SPATA16: variants seen among roughly 807,000 people sequenced by gnomAD.
The protein encoded by SPATA16 is spermatogenesis associated 16.
Under a neutral mutation model 63.3 loss-of-function variants are expected in SPATA16, and 36 were observed. The observed-to-expected ratio is 0.57, with a 90% CI of 0.44 to 0.75. The LOEUF (loss-of-function observed/expected upper bound fraction) is 0.75, where lower values mean the gene tolerates loss of function less well. Among genes scored for constraint, SPATA16 ranks in the 30% least tolerant of loss-of-function variants. The pLI, the probability that SPATA16 is intolerant of heterozygous loss-of-function variation, is 0.00. For missense variants in SPATA16, 646 were observed against 679.3 expected (o/e 0.95, Z 0.54); for synonymous variants, 203 against 216.7 (o/e 0.94, Z 0.56).
At chr3:172,958,367 G>A (rs1324186197) in intron 5 of SPATA16, among the ~76,000 whole-genome samples, 1 of 152,130 alleles carries the variant, frequency 6.6e-6, no homozygotes, top group Non-Finnish European at 1.5e-5. Flanking sequence ...GAAAAATGAA[G>A]GTATTTTATA....
intron 10 of SPATA16, among the ~76,000 whole-genome samples, chr3:172,909,438 C>T (rs1732313555): frequency 6.6e-6 from 1 of 152,162 alleles, no homozygotes; most frequent in African/African-American, 2.4e-5. Flanking sequence ...TACTTCCTTT[C>T]TCTTAAAATA....
chr3:172,984,589 C>G (rs960968409), intron 4 of SPATA16, among the ~76,000 whole-genome samples: 11 of 152,154 alleles, frequency 7.2e-5, no homozygotes, highest in African/African-American at 1.9e-4. Context: ...TTGCCTGATT[C>G]TAATATCTGG....
intron 6 of SPATA16, among the ~76,000 whole-genome samples, chr3:172,950,900 ATATT>A (rs946797267): frequency 6.6e-6 from 1 of 152,112 alleles, no homozygotes; most frequent in Non-Finnish European, 1.5e-5. Flanking sequence ...CCATTACTGA[ATATT>A]TATTTATTTA....
chr3:173,117,810 C>T, intron 1 of SPATA16, 61 bp from the exon 2 acceptor site: 1 of 1,609,976 alleles, frequency 6.2e-7, no homozygotes, highest in South Asian at 1.1e-5. Flanking sequence ...GTGGTTTAGA[C>T]TATAGTCAAA....
chr3:173,118,829 G>A (rs1339840305), intron 1 of SPATA16, among the ~76,000 whole-genome samples: 1 of 152,134 alleles, frequency 6.6e-6, no homozygotes, highest in Non-Finnish European at 1.5e-5. Flanking sequence ...CTTTAGTATA[G>A]CTAATAGACA....
intron 1 of SPATA16, among the ~76,000 whole-genome samples, chr3:173,120,292 C>T (rs763833221): frequency 2.0e-5 from 3 of 152,138 alleles, no homozygotes; most frequent in Non-Finnish European, 4.4e-5. Flanking sequence ...GTTAAGATCT[C>T]TGTTGAATGA....
intron 6 of SPATA16, among the ~76,000 whole-genome samples, chr3:172,951,550 T>G (rs1456706434): frequency 6.6e-6 from 1 of 152,220 alleles, no homozygotes; most frequent in African/African-American, 2.4e-5. Context: ...AATTTTATAC[T>G]TTTCCCCCTT....
At chr3:173,080,113 T>C (rs1736891410) in intron 2 of SPATA16, among the ~76,000 whole-genome samples, 1 of 152,164 alleles carries the variant, frequency 6.6e-6, no homozygotes, top group Non-Finnish European at 1.5e-5. Flanking sequence ...ACTCAGTGTG[T>C]GGTGTTTAGT....
In SPATA16 at chr3:172,966,931, A is replaced by C. The variant is rs550070371; in HGVS notation, c.933+10037T>G. ...GTAAATCAATAACCCATAAAAATCT[A>C]TGGAAAATAGAAAAGATAACCATAA... On this transcript the variant is annotated intron_variant, in intron 5 of 10. Coordinates refer to ENST00000351008, the MANE Select transcript of SPATA16 (RefSeq NM_031955.6). Among the ~76,000 whole-genome samples the C allele has an allele frequency of 1.6e-4, 24 of 152,334 alleles. 1 individual carries two copies. In the South Asian group the frequency reaches 4.8e-3, roughly 30 times the overall value.
At chr3:173,121,542 G>T (rs968973063) in intron 1 of SPATA16, among the ~76,000 whole-genome samples, 1 of 152,012 alleles carries the variant, frequency 6.6e-6, no homozygotes, top group African/African-American at 2.4e-5. Flanking sequence ...GGCATTTATA[G>T]CACCTTTTTT....
At chr3:173,038,129 T>G (rs1156278091) in intron 3 of SPATA16, among the ~76,000 whole-genome samples, 1 of 151,984 alleles carries the variant, frequency 6.6e-6, no homozygotes, top group Non-Finnish European at 1.5e-5. Flanking sequence ...GAAAGAAAAT[T>G]TTAAATATCA....
At chr3:173,122,956 G>T (rs1332624406) in intron 1 of SPATA16, among the ~76,000 whole-genome samples, 1 of 152,186 alleles carries the variant, frequency 6.6e-6, no homozygotes, top group East Asian at 1.9e-4. Context: ...GTATATGGTA[G>T]CAATAATGGA....
Position 172,898,567 on chromosome 3 carries a change from C to G in SPATA16, c.1588-8875G>C, listed in dbSNP as rs543639795. On this transcript the variant is annotated intron_variant, in intron 10 of 10. Coordinates refer to ENST00000351008, the MANE Select transcript of SPATA16 (RefSeq NM_031955.6). ...CAGCATCTGTAGTGATGTTCCATTT[C>G]ATTCCTGGTATTGGTGATTTGTGTC... Among the ~76,000 whole-genome samples, 4 of 151,548 alleles carry G rather than the reference C, an allele frequency of 2.6e-5. 1 individual carries two copies. Among genetic ancestry groups the G allele is most frequent in the African/African-American group, 9.6e-5 (4 of 41,466 alleles).
At chr3:172,971,489 G>C (rs1734046968) in intron 5 of SPATA16, among the ~76,000 whole-genome samples, 1 of 152,162 alleles carries the variant, frequency 6.6e-6, no homozygotes, top group Non-Finnish European at 1.5e-5. Flanking sequence ...AGATTAACTA[G>C]AGGTGGTATA....
chr3:172,911,732 C>T (rs1222795358), intron 10 of SPATA16, among the ~76,000 whole-genome samples: 1 of 152,186 alleles, frequency 6.6e-6, no homozygotes, highest in African/African-American at 2.4e-5. Flanking sequence ...AGGCATCATT[C>T]TTAACCTTTT....
chr3:173,117,419 T>C lies in SPATA16; in HGVS notation c.313A>G (p.Asn105Asp). The stretch of plus-strand genomic sequence containing the variant: ...GGCAGAGGCATGGTGATTAACTGAT[T>C]GTCAAGTTCTGTTATCTTTGCCTGT... ...KKQAKITELD[N>D]QLITMPLPHI... Residue 105 changes from asparagine (N) to aspartate (D), a missense_variant, in exon 2 of 11, where the codon AAT (asparagine) becomes GAT (aspartate). Physicochemically the swap from Asn to Asp is conservative, Grantham distance 23. Coordinates refer to ENST00000351008, the MANE Select transcript of SPATA16 (RefSeq NM_031955.6). 1 of 1,614,196 alleles carries C rather than the reference T, an allele frequency of 6.2e-7. No individual in the cohort carries two copies. The highest frequency in any genetic ancestry group is 8.5e-7 in the Non-Finnish European group (1 of 1,180,014).
At chr3:173,085,975 TTC>T (rs1737040209) in intron 2 of SPATA16, among the ~76,000 whole-genome samples, 1 of 146,928 alleles carries the variant, frequency 6.8e-6, no homozygotes, top group African/African-American at 2.6e-5. Context: ...CCTTGAAATT[TTC>T]TTTCTTTCTT....
At chr3:173,006,232 C>A (rs779666999) in intron 4 of SPATA16, among the ~76,000 whole-genome samples, 6 of 152,080 alleles carry the variant, frequency 3.9e-5, no homozygotes, top group Non-Finnish European at 5.9e-5. Context: ...ACAGGAAAGC[C>A]ACTTAGTGGT....
At chr3:173,114,914 T>C (rs1295971786) in intron 2 of SPATA16, among the ~76,000 whole-genome samples, 1 of 152,222 alleles carries the variant, frequency 6.6e-6, no homozygotes, top group Non-Finnish European at 1.5e-5. Context: ...TTTTGAGATA[T>C]TCTAGCTAAG....
Sources: gnomAD v4.1 joint callset for allele counts (sites outside exome capture counted in the v4.1 genomes callset) on GRCh38, gnomAD v4.1.1 for gene constraint, MANE v1.5 for transcripts, NCBI Gene and HGNC (gene_info 2026-07-23, HGNC 2026-07-21) for gene names.